Variants in SH2D5 observed in about 807,000 individuals in gnomAD.
SH2D5 encodes the protein SH2 domain containing 5.
A neutral mutation model predicts 48.2 loss-of-function variants in SH2D5; 45 were observed. The ratio of observed to expected loss-of-function variants is 0.93; its 90% confidence interval spans 0.73 to 1.20. The LOEUF (loss-of-function observed/expected upper bound fraction) is 1.20, where lower values mean the gene tolerates loss of function less well. SH2D5 is among the 50% of genes most tolerant of loss of function. The probability of loss-of-function intolerance (pLI) is 0.00; values close to 1 mark genes in which losing one functional copy is unlikely to be tolerated. For synonymous variants in SH2D5, 230 were observed against 249.8 expected (o/e 0.92, Z 0.75); for missense variants, 538 against 584.1 (o/e 0.92, Z 0.81).
chr1:20,721,887 C>T lies in SH2D5; in HGVS notation c.1177G>A (p.Glu393Lys), dbSNP rs373331417. Reference sequence around the variant, plus strand: ...CCTGGGGGCCCACAGTCCTGCTCCTCGTAGGTGGGGTTCAGGCGGCCCATG... The same window carrying T: ...CCTGGGGGCCCACAGTCCTGCTCCTTGTAGGTGGGGTTCAGGCGGCCCATG... ...LDMGRLNPTY[E>K]EQDCGPPGRP... is the part of the protein sequence containing the mutation. The change falls in exon 10 of 10, where the codon GAG (glutamate) becomes AAG (lysine). Residue 393 changes from glutamate to lysine, a missense_variant. By Grantham distance (56) the Glu-to-Lys change is moderately conservative. Transcript: ENST00000444387. 1.6e-5 allele frequency: 26 copies of T among 1,612,984 alleles called. No homozygotes were observed. The highest frequency in any genetic ancestry group is 4.5e-5 in the East Asian group (2 of 44,894).
In SH2D5 at chr1:20,723,643, G is replaced by A. The variant is rs2054732333; in HGVS notation, c.891C>T (p.Ala297=). 1.2e-6 allele frequency: 2 copies of A among 1,612,892 alleles called. No individual in the cohort carries two copies. Among genetic ancestry groups the A allele is most frequent in the Admixed American group, 1.7e-5 (1 of 59,986 alleles). Residue 297 remains alanine, a synonymous_variant, in exon 8 of 10, where the codon GCC becomes GCT. Coordinates refer to ENST00000444387, the MANE Select transcript of SH2D5 (RefSeq NM_001103161.2). ...SEGSLTENIW[A]FAGISRPCAL... ...CTTCCTACCTGGAGATGCCAGCGAA[G>A]GCCCAGATGTTCTCCGTCAGGCTGC...
In SH2D5 at chr1:20,729,175, G is replaced by A. The variant is rs927104859; in HGVS notation, c.-42-1089C>T. 6.6e-5 allele frequency among the ~76,000 whole-genome samples: 10 copies of A among 152,192 alleles called. No individual in the cohort carries two copies. Among genetic ancestry groups the A allele is most frequent in the African/African-American group, 2.2e-4 (9 of 41,436 alleles). On this transcript the variant is annotated intron_variant, in intron 1 of 9. Coordinates refer to ENST00000444387, the MANE Select transcript of SH2D5 (RefSeq NM_001103161.2). The surrounding 1 kb of genome is among the most constrained non-coding windows in gnomAD (Gnocchi z 4.2). ...CATGAGAGCCCAGGACACAGCTGGT[G>A]TTCAATTAATGTGGAATTAACATAT...
intron 9 of SH2D5, 61 bp from the exon 10 acceptor site, chr1:20,722,056 C>A: frequency 6.8e-7 from 1 of 1,476,740 alleles, no homozygotes. Context: ...CAGGCACCAG[C>A]CACCCGCTCC....
At position 20,722,894 on chromosome 1, in the gene SH2D5, C is replaced by A; in HGVS notation, c.930G>T (p.Leu310Phe). The change falls in exon 9 of 10, where the codon TTG (leucine) becomes TTT (phenylalanine). Residue 310 changes from leucine (L) to phenylalanine (F), a missense_variant. Coordinates refer to ENST00000444387, the MANE Select transcript of SH2D5 (RefSeq NM_001103161.2). ...GISRPCALAL[L>F]RRDVLGAFLL... ...GGAAGGCCCCCAGCACGTCTCTCCG[C>A]AACAGGGCCAGGGCACAGGGCCTAG... 1 of 1,599,750 alleles carries A rather than the reference C, an allele frequency of 6.3e-7. No individual in the cohort carries two copies. Among genetic ancestry groups the A allele is most frequent in the South Asian group, 1.1e-5 (1 of 88,436 alleles).
In SH2D5 at chr1:20,727,979, C is replaced by G. The variant is rs1298706872; in HGVS notation, c.66G>C (p.Arg22Ser). ...SDCGLAPHRP[R>S]CITKFAQYVG... is the part of the protein sequence containing the mutation. ...CCACCTGGGCAAACTTGGTGATGCA[C>G]CTGGGCCGGTGAGGGGCCAGCCCGC... The change falls in exon 2 of 10, where the codon AGG becomes AGC. Residue 22 changes from arginine to serine, a missense_variant. Transcript: ENST00000444387. 1.3e-6 allele frequency: 2 copies of G among 1,572,842 alleles called. No individual in the cohort carries two copies. The highest frequency in any genetic ancestry group is 2.7e-5 in the African/African-American group (2 of 74,014).
rs549124186 is a variant in SH2D5 at position 20,728,959 on chromosome 1, G to C, written c.-42-873C>G. 4.7e-4 allele frequency among the ~76,000 whole-genome samples: 72 copies of C among 151,744 alleles called. No individual in the cohort carries two copies. The highest frequency in any genetic ancestry group is 1.7e-3 in the African/African-American group (72 of 41,312). On this transcript the variant is annotated intron_variant, in intron 1 of 9. Coordinates refer to ENST00000444387, the MANE Select transcript of SH2D5 (RefSeq NM_001103161.2). This position sits in a 1 kb window ranked among gnomAD's most constrained non-coding sequence, Gnocchi z 4.3. The stretch of plus-strand genomic sequence containing the variant: ...GATCATGAAAACCAGAACTCAGTCA[G>C]ACAGTGCGCTGATGCAGACAGGATG...
intron 3 of SH2D5, 197 bp downstream of exon 3, chr1:20,727,326 G>C (rs1057489459): frequency 1.6e-6 from 1 of 637,658 alleles, no homozygotes; most frequent in Non-Finnish European, 2.8e-6. Context: ...TTCCAGCTGT[G>C]GGGCCCAGGT....
chr1:20,731,980 G>T (rs1570515846), intron 1 of SH2D5, among the ~76,000 whole-genome samples: 1 of 151,488 alleles, frequency 6.6e-6, no homozygotes, highest in Admixed American at 6.6e-5. Context: ...CCCCGCCCCT[G>T]CCCGGCTCCC....
chr1:20,727,333 A>C (rs766909335), intron 3 of SH2D5, 190 bp downstream of exon 3: 8 of 641,950 alleles, frequency 1.2e-5, no homozygotes, highest in Non-Finnish European at 2.2e-5. Flanking sequence ...TGTGGGGCCC[A>C]GGTCACAGTA....
In SH2D5 at chr1:20,721,046, T is replaced by G. The variant is rs2054674069; in HGVS notation, c.*746A>C. The G allele has an allele frequency of 6.6e-6, 1 of 152,548 alleles. No homozygotes were observed. Among genetic ancestry groups the G allele is most frequent in the Non-Finnish European group, 1.5e-5 (1 of 68,128 alleles). 9.4% of individuals were successfully genotyped at this position (152,548 alleles called of 1,614,324 possible). The stretch of plus-strand genomic sequence containing the variant: ...GGAAGGGGTGAGCCTGCGCATCCCT[T>G]CTGAGAAAGCGGGAGTCACAGCCCT... On this transcript the variant is annotated 3_prime_UTR_variant, in exon 10 of 10. Transcript: ENST00000444387.
At chr1:20,725,088 A>ATCCCCACC (rs766730256) in intron 5 of SH2D5, among the ~76,000 whole-genome samples, 43 of 152,262 alleles carry the variant, frequency 2.8e-4, no homozygotes, top group Non-Finnish European at 5.7e-4. Flanking sequence ...CGGTTTCCTC[A>ATCCCCACC]TCCCCACCTC....
chr1:20,727,739 G>A, intron 2 of SH2D5, 136 bp from the exon 3 acceptor site: 1 of 964,256 alleles, frequency 1.0e-6, no homozygotes, highest in South Asian at 1.6e-5. Flanking sequence ...GATTCTCGGA[G>A]CCCAGGCTCT....
Position 20,727,142 on chromosome 1 carries a change from A to T in SH2D5, c.169-67T>A, listed in dbSNP as rs368392322. 18 of 1,376,740 alleles carry T rather than the reference A, an allele frequency of 1.3e-5. No individual in the cohort carries two copies. The East Asian group carries it at 2.7e-4, about 20-fold the overall frequency. The allele number at this position is 1,376,740 out of a possible 1,614,324, so 85.3% of individuals were successfully genotyped here. ...ACCCTGCCTTGGCCTGCCCAGCCTCAGGACCATCCACCAAAGGCTGGTCAG... is the reference window on the plus strand; with the variant it reads ...ACCCTGCCTTGGCCTGCCCAGCCTCTGGACCATCCACCAAAGGCTGGTCAG... On this transcript the variant is annotated intron_variant, in intron 3 of 9. Coordinates refer to ENST00000444387, the MANE Select transcript of SH2D5 (RefSeq NM_001103161.2).
chr1:20,724,022 C>A (rs1044249765), intron 7 of SH2D5, 61 bp downstream of exon 7: 3 of 1,572,634 alleles, frequency 1.9e-6, no homozygotes, highest in African/African-American at 2.7e-5. Flanking sequence ...TCTGGCTGGT[C>A]CAGGAGCGCA....
At position 20,729,306 on chromosome 1, in the gene SH2D5, T is replaced by C. The variant is rs1018467890; in HGVS notation, c.-42-1220A>G. Among the ~76,000 whole-genome samples the C allele has an allele frequency of 6.6e-6, 1 of 152,208 alleles. No homozygotes were observed. Among genetic ancestry groups the C allele is most frequent in the Non-Finnish European group, 1.5e-5 (1 of 68,030 alleles). ...GGGACCAGTGAGAAAGCCACCTCTG[T>C]GTCCTACCCTGGCTGGCTTCACTCA... On this transcript the variant is annotated intron_variant, in intron 1 of 9. Coordinates refer to ENST00000444387, the MANE Select transcript of SH2D5 (RefSeq NM_001103161.2). This position sits in a 1 kb window ranked among gnomAD's most constrained non-coding sequence, Gnocchi z 4.2.
At chr1:20,731,611 TGAG>T (rs1407295618) in intron 1 of SH2D5, 3 of 151,336 alleles carry the variant, frequency 2.0e-5, no homozygotes, top group Non-Finnish European at 2.9e-5. Flanking sequence ...AACAGCGGGG[TGAG>T]GAGAAGGCGA....
rs1163724391 is a variant in SH2D5, at chr1:20,728,098, A to AG, written c.-42-13dup. The AG allele has an allele frequency of 4.2e-5, 54 of 1,291,214 alleles. No individual in the cohort carries two copies. Among genetic ancestry groups the AG allele is most frequent in the Non-Finnish European group, 5.3e-5 (49 of 929,028 alleles). 80.0% of individuals were successfully genotyped at this position (1,291,214 alleles called of 1,614,324 possible). On this transcript the variant is annotated splice_polypyrimidine_tract_variant and intron_variant, in intron 1 of 9. Coordinates refer to ENST00000444387, the MANE Select transcript of SH2D5 (RefSeq NM_001103161.2). This position sits in a 1 kb window ranked among gnomAD's most constrained non-coding sequence, Gnocchi z 4.3. ...CACGGGAGGGGAGGCTGCAAAGGGC[A>AG]GGGGGGGAAGGGCTGCTTTCGAGGC...
rs1461982150 is a variant in SH2D5, at chr1:20,727,128, G to A, written c.169-53C>T. On this transcript the variant is annotated intron_variant, in intron 3 of 9. Coordinates refer to ENST00000444387, the MANE Select transcript of SH2D5 (RefSeq NM_001103161.2). ...GCACCACCTCCCAGACCCTGCCTTG[G>A]CCTGCCCAGCCTCAGGACCATCCAC... is the stretch of plus-strand genomic sequence containing the variant. 5 of 1,471,734 alleles carry A rather than the reference G, an allele frequency of 3.4e-6. No individual in the cohort carries two copies. In the African/African-American group the frequency reaches 6.9e-5, roughly 20 times the overall value. The allele number at this position is 1,471,734 out of a possible 1,614,324, so 91.2% of individuals were successfully genotyped here.
chr1:20,726,828 G>A (rs1020483247), intron 4 of SH2D5, among the ~76,000 whole-genome samples, 173 bp downstream of exon 4: 5 of 152,050 alleles, frequency 3.3e-5, no homozygotes, highest in African/African-American at 4.8e-5. Flanking sequence ...GGGAGGAGGC[G>A]GCCCCTGGTG....
Sources: allele counts gnomAD v4.1 joint callset (sites outside exome capture counted in the v4.1 genomes callset), GRCh38; gene constraint gnomAD v4.1.1; non-coding constraint Gnocchi (gnomAD v3.1); transcripts MANE v1.5; gene names NCBI Gene and HGNC (gene_info 2026-07-23, HGNC 2026-07-21).